PHEX: variants seen among roughly 807,000 people sequenced by gnomAD.
PHEX encodes phosphate regulating endopeptidase X-linked.
PHEX carries 16 observed loss-of-function variants against 68.0 expected under a neutral mutation model. The observed-to-expected ratio is 0.24, with a 90% CI of 0.16 to 0.36. PHEX has a LOEUF of 0.36. Ranked by LOEUF, PHEX falls within the 10% of genes least tolerant of loss-of-function variation. The pLI is 1.00. For synonymous variants in PHEX, 208 were observed against 205.1 expected (o/e 1.01, Z -0.12); for missense variants, 480 against 575.5 (o/e 0.83, Z 1.70).
intron 21 of PHEX, among the ~76,000 whole-genome samples, chrX:22,247,200 T>A (rs1165108668): frequency 1.8e-5 from 2 of 112,432 alleles, no homozygotes; most frequent in Admixed American, 1.9e-4. Flanking sequence ...GAGCTTCCCA[T>A]ACCTAACACT....
intron 7 of PHEX, 61 bp downstream of exon 7, chrX:22,094,160 T>G: frequency 1.5e-6 from 1 of 675,250 alleles, no homozygotes; most frequent in South Asian, 2.2e-5. Context: ...CTTTACTTTC[T>G]TTTCCTTTCC....
chrX:22,126,170 G>A (rs1052172694), intron 11 of PHEX, among the ~76,000 whole-genome samples: 1 of 111,999 alleles, frequency 8.9e-6, no homozygotes, highest in African/African-American at 3.2e-5. Context: ...TTTTTTGTTT[G>A]CTTACATATT....
chrX:22,148,797 G>C (rs1246764940), intron 12 of PHEX, among the ~76,000 whole-genome samples: 1 of 111,401 alleles, frequency 9.0e-6, no homozygotes, highest in Non-Finnish European at 1.9e-5. Flanking sequence ...TGGTTGATTA[G>C]GCTATTTTTC....
At chrX:22,214,950 A>AAT (rs370203360) in intron 16 of PHEX, among the ~76,000 whole-genome samples, 17 of 111,401 alleles carry the variant, frequency 1.5e-4, no homozygotes, top group East Asian at 2.8e-4. Flanking sequence ...TAAGTTTAGA[A>AAT]ATATATATAT....
At chrX:22,176,384 CAAAA>C (rs61277745) in intron 13 of PHEX, among the ~76,000 whole-genome samples, 789 of 73,833 alleles carry the variant, frequency 0.011, 15 homozygotes, top group African/African-American at 0.032. Flanking sequence ...GAGACTGTCT[CAAAA>C]AAAAAAAAAA....
At chrX:22,173,278 C>A (rs1009555193) in intron 13 of PHEX, among the ~76,000 whole-genome samples, 2 of 111,584 alleles carry the variant, frequency 1.8e-5, no homozygotes, top group Non-Finnish European at 3.8e-5. Context: ...TCCAGCCAGG[C>A]CTCTGTAACT....
chrX:22,099,462 G>T, intron 9 of PHEX: 1 of 219,336 alleles, frequency 4.6e-6, no homozygotes, highest in Non-Finnish European at 8.1e-6. Flanking sequence ...AAATGTCTGT[G>T]TGAACATCTT....
At chrX:22,072,222 A>T (rs1182620682) in intron 3 of PHEX, among the ~76,000 whole-genome samples, 1 of 109,441 alleles carries the variant, frequency 9.1e-6, no homozygotes, top group African/African-American at 3.3e-5. Context: ...GCGAGACTCC[A>T]TCTCAAAACA....
intron 9 of PHEX, chrX:22,099,508 T>C (rs757613488): frequency 1.9e-3 from 197 of 101,475 alleles, no homozygotes; most frequent in African/African-American, 8.3e-3. Flanking sequence ...CTTTTGCTGC[T>C]TTTTTTTTTT....
rs754991528 is a variant in PHEX at position 22,033,145 on chromosome X, G to A, written c.118+22G>A. 3.3e-5 allele frequency: 34 copies of A among 1,044,119 alleles called. 1 individual carries two copies. The South Asian group carries it at 5.0e-4, about 16-fold the overall frequency. The allele number at this position is 1,044,119 out of a possible 1,213,427, so 86.0% of individuals were successfully genotyped here. On this transcript the variant is annotated intron_variant, in intron 1 of 21. Coordinates refer to ENST00000379374, the MANE Select transcript of PHEX (RefSeq NM_000444.6). ...CTAGGTAAGTGGAGTGCAGGAGGCC[G>A]GGGGAACTGGGTGTGTGTCGAGAAG... is the stretch of plus-strand genomic sequence containing the variant.
chrX:22,133,898 T>C (rs1932123544), intron 12 of PHEX, among the ~76,000 whole-genome samples: 1 of 112,292 alleles, frequency 8.9e-6, no homozygotes, highest in Non-Finnish European at 1.9e-5. Flanking sequence ...GCACATGGCT[T>C]GCTGCCTGGT....
rs989401908 is a variant in PHEX at position 22,250,049 on chromosome X, A to G, written c.*2096A>G. On this transcript the variant is annotated 3_prime_UTR_variant, in exon 22 of 22. Coordinates refer to ENST00000379374, the MANE Select transcript of PHEX (RefSeq NM_000444.6). ...TGAGAAGCTTACCTTATCCTGATTA[A>G]CTTTACTTGCTGTAACTGTTATACC... 8.9e-6 allele frequency: 1 copy of G among 111,849 alleles called. No homozygotes were observed. Among genetic ancestry groups the G allele is most frequent in the African/African-American group, 3.3e-5 (1 of 30,724 alleles). 9.2% of individuals were successfully genotyped at this position (111,849 alleles called of 1,213,427 possible).
intron 10 of PHEX, 131 bp downstream of exon 10, chrX:22,111,691 T>C (rs1930977339): frequency 1.9e-6 from 1 of 526,005 alleles, no homozygotes; most frequent in African/African-American, 2.3e-5. Context: ...CAAGCTCTAT[T>C]GTTTTTGTGT....
In PHEX at chrX:22,038,366, G is replaced by A. The variant is rs1049974485; in HGVS notation, c.119-103G>A. 1.5e-5 allele frequency: 9 copies of A among 595,919 alleles called. No homozygotes were observed. In the African/African-American group the frequency reaches 2.0e-4, roughly 13 times the overall value. The allele number at this position is 595,919 out of a possible 1,213,427, so 49.1% of individuals were successfully genotyped here. The stretch of plus-strand genomic sequence containing the variant: ...TTTTGGAATACCGTGTCAACACTGA[G>A]AAGGATGAACTGATATCAAATATCT... On this transcript the variant is annotated intron_variant, in intron 1 of 21. Coordinates refer to ENST00000379374, the MANE Select transcript of PHEX (RefSeq NM_000444.6).
At chrX:22,217,565 C>T (rs767960575) in intron 16 of PHEX, among the ~76,000 whole-genome samples, 1 of 111,837 alleles carries the variant, frequency 8.9e-6, no homozygotes, top group Admixed American at 9.5e-5. Flanking sequence ...TTTGATGTTG[C>T]ATGTCAGGAA....
At chrX:22,196,274 C>T (rs1352394103) in intron 15 of PHEX, among the ~76,000 whole-genome samples, 5 of 112,449 alleles carry the variant, frequency 4.4e-5, no homozygotes, top group African/African-American at 1.3e-4. Context: ...ATGTTTGGAA[C>T]AGCGTATAGT....
intron 11 of PHEX, among the ~76,000 whole-genome samples, chrX:22,118,339 CAAAAAAAAAAA>C (rs1157170753): frequency 4.7e-5 from 1 of 21,113 alleles, no homozygotes; most frequent in Admixed American, 6.9e-4. Context: ...TAAACAGCAC[CAAAAAAAAAAA>C]AAAAAAAAAA....
At chrX:22,161,748 T>C (rs1288964986) in intron 12 of PHEX, among the ~76,000 whole-genome samples, 1 of 112,021 alleles carries the variant, frequency 8.9e-6, no homozygotes, top group East Asian at 2.8e-4. Flanking sequence ...ATTTATTCCT[T>C]TGGCTAATAA....
intron 11 of PHEX, among the ~76,000 whole-genome samples, chrX:22,121,665 A>G (rs1252581486): frequency 8.9e-6 from 1 of 112,395 alleles, no homozygotes; most frequent in Non-Finnish European, 1.9e-5. Context: ...TACACTTCAG[A>G]TTCAGATTTT....
Sources: gnomAD v4.1 joint callset for allele counts (sites outside exome capture counted in the v4.1 genomes callset) on GRCh38, gnomAD v4.1.1 for gene constraint, MANE v1.5 for transcripts, NCBI Gene and HGNC (gene_info 2026-07-23, HGNC 2026-07-21) for gene names.